TMEM260: variants seen among roughly 807,000 people sequenced by gnomAD.
TMEM260 encodes the protein protein O-mannosyl-transferase TMEM260.
TMEM260 carries 82 observed loss-of-function variants against 88.9 expected under a neutral mutation model. That is an observed-to-expected ratio of 0.92 (90% CI 0.77 to 1.11). The LOEUF (loss-of-function observed/expected upper bound fraction) is 1.11. TMEM260 is among the 50% of genes least tolerant of loss of function. TMEM260 has a pLI of 0.00. For missense variants in TMEM260, 902 were observed against 853.4 expected, an observed-to-expected ratio of 1.06 and a Z score of -0.71; for synonymous variants, 314 against 309.3, an observed-to-expected ratio of 1.02 and a Z score of -0.16.
intron 3 of TMEM260, among the ~76,000 whole-genome samples, chr14:56,588,441 C>CA (rs1250525906): frequency 6.6e-6 from 1 of 151,952 alleles, no homozygotes; most frequent in East Asian, 1.9e-4. Context: ...TTTCAGTAAA[C>CA]ATGACTTAGA....
chr14:56,651,577 C>A (rs543736099), downstream of TMEM260, among the ~76,000 whole-genome samples: 2 of 152,050 alleles, frequency 1.3e-5, no homozygotes, highest in South Asian at 4.1e-4. Context: ...ACAAACATTG[C>A]GATGATATTA....
At chr14:56,634,719 G>A (rs544648050) in intron 13 of TMEM260, among the ~76,000 whole-genome samples, 180 bp from the exon 14 acceptor site, 133 of 152,172 alleles carry the variant, frequency 8.7e-4, no homozygotes, top group Middle Eastern at 3.4e-3. Flanking sequence ...GTGGGTGCCT[G>A]TAAACCCAGC....
downstream of TMEM260, chr14:56,649,616 A>G (rs1305121051): frequency 1.3e-5 from 2 of 153,214 alleles, no homozygotes; most frequent in African/African-American, 2.4e-5. Flanking sequence ...TCATCTCTGC[A>G]TCTACATACG....
At chr14:56,597,650 G>A (rs1242535144) in intron 3 of TMEM260, among the ~76,000 whole-genome samples, 2 of 152,178 alleles carry the variant, frequency 1.3e-5, no homozygotes, top group Non-Finnish European at 2.9e-5. Context: ...TTACTCTGTT[G>A]GCAATGGCGG....
At chr14:56,583,870 C>A (rs1201257078) in intron 1 of TMEM260, among the ~76,000 whole-genome samples, 1 of 152,022 alleles carries the variant, frequency 6.6e-6, no homozygotes, top group Non-Finnish European at 1.5e-5. Context: ...GGATATAAGC[C>A]TAGAAAAGGG....
intron 8 of TMEM260, 57 bp downstream of exon 8, chr14:56,616,084 G>C: frequency 7.7e-7 from 1 of 1,292,264 alleles, no homozygotes; most frequent in Non-Finnish European, 1.1e-6. Context: ...TTGAATTAAT[G>C]TTTTCAGTAT....
At chr14:56,619,288 A>C (rs1213335782) in intron 10 of TMEM260, 4 of 154,410 alleles carry the variant, frequency 2.6e-5, no homozygotes, top group African/African-American at 7.2e-5. Context: ...CCTCTGCCTC[A>C]GCCTCCTCAG....
intron 12 of TMEM260, among the ~76,000 whole-genome samples, chr14:56,630,595 A>T (rs1205665539): frequency 6.6e-6 from 1 of 151,722 alleles, no homozygotes; most frequent in Non-Finnish European, 1.5e-5. Flanking sequence ...TTTTGTTTCT[A>T]GAGTATTTGC....
the TMEM260 span, among the ~76,000 whole-genome samples, chr14:56,658,391 G>T: frequency 6.6e-6 from 1 of 151,900 alleles, no homozygotes; most frequent in Non-Finnish European, 1.5e-5. Flanking sequence ...GGGAATACAG[G>T]TGCCCGCCAC....
chr14:56,641,078 T>G (rs1418936178), intron 15 of TMEM260, among the ~76,000 whole-genome samples: 1 of 151,506 alleles, frequency 6.6e-6, no homozygotes, highest in Non-Finnish European at 1.5e-5. Flanking sequence ...GGAACCAAGT[T>G]GGAAAACACT....
chr14:56,621,487 A>G (rs754273873), intron 10 of TMEM260, 44 bp from the exon 11 acceptor site: 2 of 1,483,364 alleles, frequency 1.3e-6, no homozygotes, highest in East Asian at 2.3e-5. Context: ...TTAAAACTGT[A>G]GCAAAGTGTT....
intron 12 of TMEM260, among the ~76,000 whole-genome samples, chr14:56,630,004 G>A (rs949448665): frequency 1.3e-5 from 2 of 150,774 alleles, no homozygotes; most frequent in Non-Finnish European, 2.9e-5. Flanking sequence ...TTGTGCCACT[G>A]CACTCCAGCC....
intron 12 of TMEM260, among the ~76,000 whole-genome samples, chr14:56,627,979 G>A (rs549300940): frequency 3.3e-5 from 5 of 152,252 alleles, no homozygotes; most frequent in Non-Finnish European, 7.4e-5. Flanking sequence ...ACCTTTTCCT[G>A]AGTGTCATAT....
the TMEM260 span, among the ~76,000 whole-genome samples, chr14:56,661,766 G>T: frequency 6.6e-6 from 1 of 152,120 alleles, no homozygotes; most frequent in African/African-American, 2.4e-5. Flanking sequence ...TGCAGATTTT[G>T]TTATCTTTTC....
rs113150955 is a variant in TMEM260, at chr14:56,640,346, G to A, written c.1869+3748G>A. The stretch of plus-strand genomic sequence containing the variant: ...CTGCATTTGCAGTTCACCAATATCC[G>A]CTGTTCTGCAGCCTCCACTGCTGAT... On this transcript the variant is annotated intron_variant, in intron 15 of 15. Coordinates refer to ENST00000261556, the MANE Select transcript of TMEM260 (RefSeq NM_017799.4). Among the ~76,000 whole-genome samples the A allele has an allele frequency of 6.5e-3, 992 of 152,276 alleles. 3 individuals are homozygous for A. Among genetic ancestry groups the A allele is most frequent in the Admixed American group, 0.011 (171 of 15,294 alleles).
the TMEM260 span, among the ~76,000 whole-genome samples, chr14:56,661,847 T>C: frequency 6.6e-6 from 1 of 152,124 alleles, no homozygotes; most frequent in African/African-American, 2.4e-5. Context: ...CGTCCACACA[T>C]GTGTATGTGG....
chr14:56,596,307 T>C (rs1244864813), intron 3 of TMEM260, among the ~76,000 whole-genome samples: 2 of 151,426 alleles, frequency 1.3e-5, no homozygotes, highest in Non-Finnish European at 2.9e-5. Flanking sequence ...TTAAATAATA[T>C]ATATATGGGA....
chr14:56,634,180 A>C (rs1022502219), intron 13 of TMEM260, among the ~76,000 whole-genome samples: 11 of 152,318 alleles, frequency 7.2e-5, no homozygotes, highest in Admixed American at 1.3e-4. Flanking sequence ...AAGCTCCAGC[A>C]GTGATTTTCC....
chr14:56,656,682 T>C, the TMEM260 span, among the ~76,000 whole-genome samples: 2 of 152,176 alleles, frequency 1.3e-5, no homozygotes, highest in Non-Finnish European at 2.9e-5. Flanking sequence ...GTCTCTCTAG[T>C]ATGTTTAAAA....
Sources: gnomAD v4.1 joint callset for allele counts (sites outside exome capture counted in the v4.1 genomes callset) on GRCh38, gnomAD v4.1.1 for gene constraint, MANE v1.5 for transcripts, NCBI Gene and HGNC (gene_info 2026-07-23, HGNC 2026-07-21) for gene names.